The following MAGI2 variants were observed in gnomAD, a reference collection of about 807,000 sequenced individuals.
MAGI2 encodes the protein membrane-associated guanylate kinase, WW and PDZ domain-containing protein 2.
Under a neutral mutation model 133.3 loss-of-function variants are expected in MAGI2, and 35 were observed. That is an observed-to-expected ratio of 0.26 (90% CI 0.20 to 0.35). MAGI2 has a LOEUF of 0.35. MAGI2 is among the 10% of genes least tolerant of loss of function. The pLI is 1.00. For synonymous variants in MAGI2, 729 were observed against 710.6 expected (o/e 1.03, Z -0.41); for missense variants, 1,636 against 1,863.4 (o/e 0.88, Z 2.25).
At chr7:79,400,446 T>A (rs1045846496) in intron 1 of MAGI2, among the ~76,000 whole-genome samples, 1 of 152,168 alleles carries the variant, frequency 6.6e-6, no homozygotes, top group Non-Finnish European at 1.5e-5. Flanking sequence ...TTACAAAAGC[T>A]ATCTTCAAAG....
intron 9 of MAGI2, among the ~76,000 whole-genome samples, chr7:78,264,188 A>T (rs960799586): frequency 1.3e-5 from 2 of 152,138 alleles, no homozygotes; most frequent in Non-Finnish European, 2.9e-5. Flanking sequence ...AATCCTTACA[A>T]AACCCATATA....
chr7:78,640,214 A>G (rs1810135846), intron 2 of MAGI2, among the ~76,000 whole-genome samples: 1 of 152,182 alleles, frequency 6.6e-6, no homozygotes, highest in South Asian at 2.1e-4. Context: ...TGTATTGTGA[A>G]CTGTCAAATA....
chr7:78,955,769 C>T (rs967032548), intron 2 of MAGI2, among the ~76,000 whole-genome samples: 1 of 116,770 alleles, frequency 8.6e-6, no homozygotes, highest in Non-Finnish European at 1.8e-5. Context: ...TTCTTTCTTT[C>T]TTTCTTTCTT....
chr7:78,455,639 T>C (rs905370932), intron 6 of MAGI2, among the ~76,000 whole-genome samples: 1 of 152,120 alleles, frequency 6.6e-6, no homozygotes, highest in Non-Finnish European at 1.5e-5. Flanking sequence ...GGCCCACAGC[T>C]GTTACTTATT....
intron 1 of MAGI2, among the ~76,000 whole-genome samples, chr7:79,182,510 A>G (rs1285151401): frequency 6.6e-6 from 1 of 152,014 alleles, no homozygotes; most frequent in African/African-American, 2.4e-5. Context: ...GGAATTCAAG[A>G]TGAAATTTGA....
At chr7:79,079,467 C>T (rs770252219) in intron 1 of MAGI2, among the ~76,000 whole-genome samples, 8 of 152,066 alleles carry the variant, frequency 5.3e-5, no homozygotes, top group Non-Finnish European at 8.8e-5. Flanking sequence ...GGAAGAGGAA[C>T]ATTTAAACAA....
chr7:79,179,334 T>C (rs1381901569), intron 1 of MAGI2, among the ~76,000 whole-genome samples: 2 of 151,970 alleles, frequency 1.3e-5, no homozygotes, highest in Non-Finnish European at 2.9e-5. Flanking sequence ...AATTTCAAGA[T>C]GTAGAATGAT....
chr7:78,151,183 T>C (rs544889951), intron 16 of MAGI2, among the ~76,000 whole-genome samples: 1 of 151,852 alleles, frequency 6.6e-6, no homozygotes, highest in African/African-American at 2.4e-5. Context: ...TGTTCAGGAC[T>C]GAAAAAGCGG....
intron 1 of MAGI2, among the ~76,000 whole-genome samples, chr7:79,357,145 C>T (rs1842076431): frequency 2.0e-5 from 3 of 152,112 alleles, no homozygotes; most frequent in African/African-American, 7.2e-5. Flanking sequence ...ACAGAATAGC[C>T]AGAAGCTGTG....
At chr7:78,061,614 C>T (rs1361238998) in intron 21 of MAGI2, among the ~76,000 whole-genome samples, 1 of 152,110 alleles carries the variant, frequency 6.6e-6, no homozygotes, top group Non-Finnish European at 1.5e-5. Context: ...AATTGTCTAG[C>T]AGGCAGTTTG....
At chr7:79,104,296 G>C (rs1351808556) in intron 1 of MAGI2, among the ~76,000 whole-genome samples, 9 of 152,142 alleles carry the variant, frequency 5.9e-5, no homozygotes. Flanking sequence ...GAGCTTCGGA[G>C]GGATGGGGAC....
chr7:78,658,786 C>G (rs998189809), intron 2 of MAGI2, among the ~76,000 whole-genome samples: 3 of 152,110 alleles, frequency 2.0e-5, no homozygotes, highest in African/African-American at 7.2e-5. Flanking sequence ...CCTATCACGA[C>G]AGCTAAAATA....
chr7:79,299,750 T>A (rs966862253), intron 1 of MAGI2, among the ~76,000 whole-genome samples: 1 of 152,064 alleles, frequency 6.6e-6, no homozygotes, highest in African/African-American at 2.4e-5. Flanking sequence ...TGAATTGTAA[T>A]CCCCAATGCT....
intron 1 of MAGI2, among the ~76,000 whole-genome samples, chr7:79,077,289 G>C (rs1815551492): frequency 6.6e-6 from 1 of 151,884 alleles, no homozygotes; most frequent in African/African-American, 2.4e-5. Flanking sequence ...CCGGCGCGGT[G>C]GCTCACGCCT....
At chr7:78,708,325 T>C (rs1168019545) in intron 2 of MAGI2, among the ~76,000 whole-genome samples, 3 of 152,180 alleles carry the variant, frequency 2.0e-5, no homozygotes, top group African/African-American at 7.2e-5. Context: ...TTAAGATTTA[T>C]TCAACTGATA....
chr7:78,626,712 A>G (rs918316552), intron 3 of MAGI2, among the ~76,000 whole-genome samples: 2 of 152,032 alleles, frequency 1.3e-5, no homozygotes, highest in East Asian at 1.9e-4. Flanking sequence ...ACACAGGGAT[A>G]ATGACAGGAC....
At chr7:78,728,043 G>C (rs1318335493) in intron 2 of MAGI2, among the ~76,000 whole-genome samples, 1 of 152,150 alleles carries the variant, frequency 6.6e-6, no homozygotes, top group African/African-American at 2.4e-5. Context: ...ATGATAGTTA[G>C]GGAATGCCTA....
chr7:78,105,343 G>A (rs1403677606), intron 20 of MAGI2, among the ~76,000 whole-genome samples: 1 of 152,144 alleles, frequency 6.6e-6, no homozygotes. Context: ...TGATACACAT[G>A]TGCAAGATTT....
chr7:79,346,748 G>A (rs17152321), intron 1 of MAGI2, among the ~76,000 whole-genome samples: 47,126 of 151,682 alleles, frequency 0.31, 7,621 homozygotes, highest in Admixed American at 0.38. Context: ...TCCTATGGCC[G>A]GGATCCCATG....
Sources: gnomAD v4.1 joint callset for allele counts (sites outside exome capture counted in the v4.1 genomes callset) on GRCh38, gnomAD v4.1.1 for gene constraint, MANE v1.5 for transcripts, NCBI Gene and HGNC (gene_info 2026-07-23, HGNC 2026-07-21) for gene names.